USH2A: variants seen among roughly 807,000 people sequenced by gnomAD.
The protein encoded by USH2A is usherin.
Under a neutral mutation model 538.9 loss-of-function variants are expected in USH2A, and 443 were observed. The ratio of observed to expected loss-of-function variants is 0.82; its 90% confidence interval spans 0.76 to 0.89. USH2A has a LOEUF of 0.89. Among genes scored for constraint, USH2A ranks in the 40% least tolerant of loss-of-function variants. USH2A has a pLI of 0.00. For synonymous variants in USH2A, 2,413 were observed against 2,273.5 expected (o/e 1.06, Z -1.75); for missense variants, 6,633 against 6,324.8 (o/e 1.05, Z -1.65).
chr1:215,647,690 C>T lies in USH2A; in HGVS notation c.14623G>A (p.Ala4875Thr). ...ATTTGGCTGGGAGTACAGGGGAGGG[C>T]TGAGTCAGGAGGGCAAGCCACGTGG... ...QFHVACPPDS[A>T]LPCTPSQIET... The change falls in exon 67 of 72, where the codon GCC (alanine) becomes ACC (threonine). Residue 4875 changes from alanine to threonine, a missense_variant. Physicochemically the swap from Ala to Thr is moderately conservative, Grantham distance 58 (BLOSUM62 0). Transcript: ENST00000307340. The T allele has an allele frequency of 6.2e-7, 1 of 1,614,138 alleles. No homozygotes were observed. The highest frequency in any genetic ancestry group is 8.5e-7 in the Non-Finnish European group (1 of 1,180,028).
intron 11 of USH2A, among the ~76,000 whole-genome samples, chr1:216,260,284 G>A (rs2036345252): frequency 6.6e-6 from 1 of 152,138 alleles, no homozygotes; most frequent in Admixed American, 6.6e-5. Context: ...AGAAGTTACA[G>A]CTTGAGTGCT....
chr1:216,368,702 G>T (rs995250239), intron 3 of USH2A, among the ~76,000 whole-genome samples: 1 of 152,164 alleles, frequency 6.6e-6, no homozygotes, highest in Admixed American at 6.5e-5. Context: ...GATGATGGTT[G>T]TTTCTAACTT....
intron 22 of USH2A, among the ~76,000 whole-genome samples, chr1:216,096,571 G>C (rs2032445669): frequency 6.6e-6 from 1 of 151,920 alleles, no homozygotes. Flanking sequence ...TCTTTATTTT[G>C]ATACAATTTA....
At chr1:215,950,080 T>A (rs1449001506) in intron 37 of USH2A, among the ~76,000 whole-genome samples, 11 of 152,206 alleles carry the variant, frequency 7.2e-5, no homozygotes. Context: ...TGAAATGATG[T>A]AATTTTTTTG....
At chr1:215,933,346 C>T (rs568738283) in intron 38 of USH2A, among the ~76,000 whole-genome samples, 2 of 151,944 alleles carry the variant, frequency 1.3e-5, no homozygotes, top group Non-Finnish European at 2.9e-5. Context: ...GTTTCAGTCT[C>T]AATTTTTAAA....
chr1:216,057,451 T>A (rs1571923061), intron 30 of USH2A, among the ~76,000 whole-genome samples: 1 of 152,022 alleles, frequency 6.6e-6, no homozygotes, highest in East Asian at 1.9e-4. Flanking sequence ...AGGTCAGGAG[T>A]TTGAGATCAG....
chr1:215,954,518 A>C (rs1455198294), intron 37 of USH2A, among the ~76,000 whole-genome samples: 2 of 139,858 alleles, frequency 1.4e-5, no homozygotes, highest in East Asian at 4.4e-4. Flanking sequence ...GAACAATGAG[A>C]ACACATGGAC....
chr1:216,110,642 G>A (rs2032844182), intron 21 of USH2A, among the ~76,000 whole-genome samples: 2 of 152,214 alleles, frequency 1.3e-5, no homozygotes, highest in African/African-American at 2.4e-5. Flanking sequence ...ATATTATAAA[G>A]ACCCAGTACA....
At chr1:216,247,280 A>G in intron 12 of USH2A, 54 bp from the exon 13 acceptor site, 1 of 1,602,424 alleles carries the variant, frequency 6.2e-7, no homozygotes, top group East Asian at 2.2e-5. Flanking sequence ...TTCATTCAAG[A>G]TAGACGAGAC....
At chr1:215,673,534 C>T (rs1323106657) in intron 63 of USH2A, among the ~76,000 whole-genome samples, 1 of 152,142 alleles carries the variant, frequency 6.6e-6, no homozygotes, top group African/African-American at 2.4e-5. Flanking sequence ...CCAGATGGGA[C>T]CGCTAGGAAA....
intron 4 of USH2A, among the ~76,000 whole-genome samples, chr1:216,346,838 T>C (rs767296869): frequency 1.8e-4 from 28 of 151,884 alleles, no homozygotes; most frequent in Admixed American, 4.6e-4. Context: ...AAATGAAAAA[T>C]CTTACTGGAT....
chr1:215,665,624 C>A (rs972661941), intron 64 of USH2A, among the ~76,000 whole-genome samples: 3 of 152,334 alleles, frequency 2.0e-5, no homozygotes, highest in Admixed American at 1.3e-4. Context: ...GACTCACACC[C>A]AGGTCCCTCT....
intron 3 of USH2A, among the ~76,000 whole-genome samples, chr1:216,368,247 C>T (rs1480561693): frequency 6.6e-6 from 1 of 151,870 alleles, no homozygotes; most frequent in Non-Finnish European, 1.5e-5. Context: ...CACTATCCAC[C>T]CATTCTCATG....
chr1:216,174,463 G>T, intron 21 of USH2A: 1 of 985,380 alleles, frequency 1.0e-6, no homozygotes, highest in Non-Finnish European at 1.2e-6. Flanking sequence ...CAGGAGGAGG[G>T]TAAGGCCAGT....
chr1:216,369,108 AGGAGAAAAGTCTT>A (rs2038653498), intron 3 of USH2A, among the ~76,000 whole-genome samples: 1 of 152,186 alleles, frequency 6.6e-6, no homozygotes, highest in Admixed American at 6.6e-5. Flanking sequence ...AACTTTATGG[AGGAGAAAAGTCTT>A]GGACTTTCTG....
intron 32 of USH2A, among the ~76,000 whole-genome samples, chr1:216,037,560 A>G (rs1258608241): frequency 6.6e-6 from 1 of 152,106 alleles, no homozygotes; most frequent in Non-Finnish European, 1.5e-5. Context: ...CAATTATTTG[A>G]TAAAATGTTT....
chr1:216,182,193 T>C (rs570075632), intron 20 of USH2A, among the ~76,000 whole-genome samples: 46 of 152,234 alleles, frequency 3.0e-4, no homozygotes, highest in Admixed American at 1.2e-3. Context: ...GTGGGACCTA[T>C]AGCAACTTTG....
At chr1:215,920,030 T>C (rs1204099063) in intron 38 of USH2A, among the ~76,000 whole-genome samples, 1 of 152,052 alleles carries the variant, frequency 6.6e-6, no homozygotes, top group Non-Finnish European at 1.5e-5. Context: ...ACACAGTTCA[T>C]AATTCATTTG....
chr1:216,207,342 G>A lies in USH2A; in HGVS notation c.3247C>T (p.His1083Tyr). The A allele has an allele frequency of 1.2e-6, 2 of 1,614,028 alleles. No homozygotes were observed. Among genetic ancestry groups the A allele is most frequent in the Non-Finnish European group, 1.7e-6 (2 of 1,179,954 alleles). Residue 1083 changes from histidine to tyrosine, a missense_variant, in exon 16 of 72, where the codon CAC (histidine) becomes TAC (tyrosine). Transcript: ENST00000307340. ...SWSPPDSPNAHWLTYSLLRDG... is the reference protein window; with the variant it reads ...SWSPPDSPNAYWLTYSLLRDG... Reference sequence around the variant, plus strand: ...CTGAGTAAACTGTAAGTAAGCCAGTGGGCATTTGGAGAATCAGGTGGACTC... The same window carrying A: ...CTGAGTAAACTGTAAGTAAGCCAGTAGGCATTTGGAGAATCAGGTGGACTC...
Sources: allele counts gnomAD v4.1 joint callset (sites outside exome capture counted in the v4.1 genomes callset), GRCh38; gene constraint gnomAD v4.1.1; transcripts MANE v1.5; gene names NCBI Gene and HGNC (gene_info 2026-07-23, HGNC 2026-07-21).